The following MYO5B variants were observed in gnomAD, a reference collection of about 807,000 sequenced individuals.
MYO5B encodes unconventional myosin-Vb.
A neutral mutation model predicts 229.3 loss-of-function variants in MYO5B; 143 were observed. The observed-to-expected ratio is 0.62, with a 90% CI of 0.54 to 0.72. The LOEUF (loss-of-function observed/expected upper bound fraction) is 0.72. MYO5B is among the 30% of genes least tolerant of loss of function. The probability of loss-of-function intolerance (pLI) is 0.00; values close to 1 mark genes in which losing one functional copy is unlikely to be tolerated. For synonymous variants in MYO5B, 918 were observed against 885.2 expected, an observed-to-expected ratio of 1.04 and a Z score of -0.66; for missense variants, 2,321 against 2,331.0, an observed-to-expected ratio of 1.00 and a Z score of 0.09.
intron 16 of MYO5B, among the ~76,000 whole-genome samples, chr18:49,934,551 C>A (rs1047900137): frequency 2.6e-5 from 4 of 152,240 alleles, no homozygotes; most frequent in African/African-American, 9.6e-5. Flanking sequence ...TCTGGCCCAG[C>A]TGGTATAGAG....
In MYO5B at chr18:50,181,382, G is replaced by C. The variant is rs575261454; in HGVS notation, c.27+13385C>G. Among the ~76,000 whole-genome samples, 124 of 152,312 alleles carry C rather than the reference G, an allele frequency of 8.1e-4. 1 individual carries two copies. Among genetic ancestry groups the C allele is most frequent in the Non-Finnish European group, 1.4e-3 (97 of 68,034 alleles). ...TCAAAGCCTAACTGTAACTCCAGAT[G>C]ATGATGGCTAGTAAGAGGCCTCACA... is the stretch of plus-strand genomic sequence containing the variant. On this transcript the variant is annotated intron_variant, in intron 1 of 39. Transcript: ENST00000285039.
intron 1 of MYO5B, among the ~76,000 whole-genome samples, chr18:50,129,371 C>T (rs1367743947): frequency 1.3e-5 from 2 of 152,180 alleles, no homozygotes; most frequent in Non-Finnish European, 2.9e-5. Context: ...ATTGTCATGC[C>T]ACCAATGTAA....
chr18:50,008,824 C>T (rs954493648), intron 4 of MYO5B, among the ~76,000 whole-genome samples: 12 of 152,182 alleles, frequency 7.9e-5, no homozygotes, highest in African/African-American at 2.9e-4. Context: ...ATTCTGTTCA[C>T]TAATGGGATA....
At position 49,864,290 on chromosome 18, in the gene MYO5B, A is replaced by T; in HGVS notation, c.3694T>A (p.Ser1232Thr). The T allele has an allele frequency of 6.2e-7, 1 of 1,614,072 alleles. No individual in the cohort carries two copies. Among genetic ancestry groups the T allele is most frequent in the Non-Finnish European group, 8.5e-7 (1 of 1,180,024 alleles). The change falls in exon 28 of 40, where the codon TCC (serine) becomes ACC (threonine). Residue 1232 changes from serine (S) to threonine (T), a missense_variant. Around this residue, in one of 2 missense-constraint regions of MYO5B, gnomAD observed 2,113 missense variants for 2,044.7 expected, o/e 1.03. Coordinates refer to ENST00000285039, the MANE Select transcript of MYO5B (RefSeq NM_001080467.3). ...TAGCTATCTGGGGAGCCGTGGCTGG[A>T]GTTATTCTGCGTGGCTTGGTCGGCC... ...AVADQATQNN[S>T]SHGSPDSYSL...
intron 1 of MYO5B, among the ~76,000 whole-genome samples, chr18:50,067,630 G>C (rs144565987): frequency 6.3e-4 from 96 of 152,282 alleles, no homozygotes; most frequent in Admixed American, 1.2e-3. Context: ...GTTTCCGTGA[G>C]AGCCCATTGT....
chr18:50,003,907 G>T (rs913669040), intron 4 of MYO5B, among the ~76,000 whole-genome samples: 3 of 152,242 alleles, frequency 2.0e-5, no homozygotes, highest in African/African-American at 4.8e-5. Flanking sequence ...AATCCCATCA[G>T]TGGAGGAGGG....
At chr18:49,899,576 G>C (rs886907777) in intron 21 of MYO5B, among the ~76,000 whole-genome samples, 1 of 152,188 alleles carries the variant, frequency 6.6e-6, no homozygotes, top group African/African-American at 2.4e-5. Flanking sequence ...AACATACCCT[G>C]AAACCAGCCT....
chr18:50,168,546 C>T lies in MYO5B; in HGVS notation c.27+26221G>A, dbSNP rs556919220. Among the ~76,000 whole-genome samples the T allele has an allele frequency of 2.3e-4, 35 of 152,200 alleles. 1 individual carries two copies. Among genetic ancestry groups the T allele is most frequent in the Non-Finnish European group, 1.0e-4 (7 of 68,038 alleles). ...TAAGCTGGGGCTTCCCCACTCCCTGCTCCTCAGAGACATTGGTACCATCCA... is the reference window on the plus strand; with the variant it reads ...TAAGCTGGGGCTTCCCCACTCCCTGTTCCTCAGAGACATTGGTACCATCCA... On this transcript the variant is annotated intron_variant, in intron 1 of 39. Coordinates refer to ENST00000285039, the MANE Select transcript of MYO5B (RefSeq NM_001080467.3).
chr18:50,047,993 A>G (rs2030283848), intron 2 of MYO5B, among the ~76,000 whole-genome samples: 1 of 151,596 alleles, frequency 6.6e-6, no homozygotes. Context: ...AATGTAAATG[A>G]CCAGTTAATG....
chr18:49,930,877 G>C (rs2025182598), intron 16 of MYO5B, among the ~76,000 whole-genome samples: 1 of 142,664 alleles, frequency 7.0e-6, no homozygotes, highest in Non-Finnish European at 1.5e-5. Context: ...GGGTGACAGA[G>C]TGAGACTCTG....
chr18:49,913,935 C>T (rs2024985000), intron 17 of MYO5B, among the ~76,000 whole-genome samples: 1 of 150,478 alleles, frequency 6.6e-6, no homozygotes, highest in Non-Finnish European at 1.5e-5. Flanking sequence ...ACTGGATGGC[C>T]AAACTCCAGG....
intron 1 of MYO5B, among the ~76,000 whole-genome samples, chr18:50,177,545 C>T (rs2033014310): frequency 1.3e-5 from 2 of 152,222 alleles, no homozygotes; most frequent in African/African-American, 4.8e-5. Flanking sequence ...ATCAGGCTGT[C>T]TCCTGTAAGT....
intron 4 of MYO5B, among the ~76,000 whole-genome samples, chr18:50,026,975 G>A (rs1342771444): frequency 2.0e-5 from 3 of 152,118 alleles, no homozygotes; most frequent in African/African-American, 7.2e-5. Flanking sequence ...ACTCTTAGCC[G>A]CCTTGCTTCC....
chr18:50,149,059 A>C (rs2032551695), intron 1 of MYO5B, among the ~76,000 whole-genome samples: 1 of 152,016 alleles, frequency 6.6e-6, no homozygotes, highest in Non-Finnish European at 1.5e-5. Flanking sequence ...CAGAGAGCCA[A>C]ATCATGAGTG....
chr18:49,973,191 T>C (rs1374890351), intron 10 of MYO5B, among the ~76,000 whole-genome samples: 1 of 152,202 alleles, frequency 6.6e-6, no homozygotes, highest in South Asian at 2.1e-4. Flanking sequence ...TCCTTCAGCA[T>C]CTTCCTGAGG....
rs79204427 is a variant in MYO5B at position 50,166,760 on chromosome 18, T to C, written c.27+28007A>G. ...ATTAGGTTGAGTCAAAGGTCTTATATGGAAAATACCACTGAGAGGAACACA... is the reference window on the plus strand; with the variant it reads ...ATTAGGTTGAGTCAAAGGTCTTATACGGAAAATACCACTGAGAGGAACACA... On this transcript the variant is annotated intron_variant, in intron 1 of 39. Coordinates refer to ENST00000285039, the MANE Select transcript of MYO5B (RefSeq NM_001080467.3). 9.2e-3 allele frequency among the ~76,000 whole-genome samples: 1,404 copies of C among 152,308 alleles called. 9 individuals are homozygous for C. Among genetic ancestry groups the C allele is most frequent in the Admixed American group, 0.014 (209 of 15,296 alleles).
intron 22 of MYO5B, among the ~76,000 whole-genome samples, chr18:49,881,463 C>T (rs112030903): frequency 6.6e-6 from 1 of 152,022 alleles, no homozygotes; most frequent in Non-Finnish European, 1.5e-5. Flanking sequence ...AGAAAAAATA[C>T]TAATTAAACA....
At position 50,096,441 on chromosome 18, in the gene MYO5B, C is replaced by G. The variant is rs116834385; in HGVS notation, c.28-41063G>C. On this transcript the variant is annotated intron_variant, in intron 1 of 39. Transcript: ENST00000285039. ...GTTGTCTTGCCTTCAGCCTCTCCCC[C>G]CTCCAATCCATCCCACCAAGAGCTA... Among the ~76,000 whole-genome samples, 113 of 152,250 alleles carry G rather than the reference C, an allele frequency of 7.4e-4. No homozygotes were observed. The East Asian group carries it at 0.01, about 14-fold the overall frequency.
chr18:50,095,184 C>G (rs1462074802), intron 1 of MYO5B, among the ~76,000 whole-genome samples: 1 of 152,206 alleles, frequency 6.6e-6, no homozygotes, highest in South Asian at 2.1e-4. Context: ...CCCTCACCAA[C>G]GATCTTGAGT....
Sources: allele counts gnomAD v4.1 joint callset (sites outside exome capture counted in the v4.1 genomes callset), GRCh38; gene constraint gnomAD v4.1.1; regional missense constraint gnomAD v4.1.1; transcripts MANE v1.5; gene names NCBI Gene and HGNC (gene_info 2026-07-23, HGNC 2026-07-21).